The following CATSPER1 variants were observed in gnomAD, a reference collection of about 807,000 sequenced individuals.
CATSPER1 encodes cation channel sperm-associated protein 1.
Under a neutral mutation model 72.7 loss-of-function variants are expected in CATSPER1, and 57 were observed. That is an observed-to-expected ratio of 0.78 (90% confidence interval 0.63 to 0.98). CATSPER1 has a LOEUF of 0.98. Among genes scored for constraint, CATSPER1 ranks in the 50% least tolerant of loss-of-function variants. CATSPER1 has a pLI of 0.00. For synonymous variants in CATSPER1, 363 were observed against 403.0 expected, an observed-to-expected ratio of 0.90 and a Z score of 1.19; for missense variants, 910 against 1,033.9, an observed-to-expected ratio of 0.88 and a Z score of 1.64.
Position 66,025,571 on chromosome 11 carries a change from C to A in CATSPER1, c.809G>T (p.Gly270Val). ...ISDYHSEYHQ[G>V]DHHPSEYHHG... ...GTGGTACTCACTGGGGTGGTGATCA[C>A]CTTGGTGGTACTCGCTGTGATAGTC... The change falls in exon 1 of 12, where the codon GGT becomes GTT. Residue 270 changes from glycine (G) to valine (V), a missense_variant. Transcript: ENST00000312106. The A allele has an allele frequency of 6.2e-7, 1 of 1,604,268 alleles. No individual in the cohort carries two copies. Among genetic ancestry groups the A allele is most frequent in the Non-Finnish European group, 8.5e-7 (1 of 1,175,588 alleles).
rs143728028 is a variant in CATSPER1, at chr11:66,025,177, A to G, written c.1203T>C (p.Phe401=). The stretch of plus-strand genomic sequence containing the variant: ...GCAAAGACTCACTTTTGCGTTTCTG[A>G]AATTGCCCTTCTTCTTTGCCCCAGT... The part of the protein sequence containing the change: ...SEDWGKEEGQ[F]QKRKTGRLQR... Residue 401 remains phenylalanine (F), a synonymous_variant, in exon 1 of 12, where the codon TTT becomes TTC. Coordinates refer to ENST00000312106, the MANE Select transcript of CATSPER1 (RefSeq NM_053054.4). 26 of 1,614,138 alleles carry G rather than the reference A, an allele frequency of 1.6e-5. No individual in the cohort carries two copies. In the African/African-American group the frequency reaches 3.5e-4, roughly 22 times the overall value.
In CATSPER1 at chr11:66,020,506, C is replaced by A. The variant is rs554677836; in HGVS notation, c.1991+58G>T. 79 of 1,599,218 alleles carry A rather than the reference C, an allele frequency of 4.9e-5. No individual in the cohort carries two copies. The African/African-American group carries it at 7.9e-4, about 16-fold the overall frequency. On this transcript the variant is annotated intron_variant, in intron 7 of 11. Coordinates refer to ENST00000312106, the MANE Select transcript of CATSPER1 (RefSeq NM_053054.4). This position sits in a 1 kb window ranked among gnomAD's most constrained non-coding sequence, Gnocchi z 4.5. ...GGTGAGAGGGCTGGGGTAAGGGTCC[C>A]AGGGGAGAGGAGGAAGTGTGGGTGG...
intron 11 of CATSPER1, 63 bp downstream of exon 11, chr11:66,016,997 A>T (rs1590677556): frequency 6.2e-7 from 1 of 1,612,934 alleles, no homozygotes; most frequent in Non-Finnish European, 8.5e-7. Flanking sequence ...ACTTGGAGCC[A>T]TTTCTGGCTA....
rs1364822651 is a variant in CATSPER1, at chr11:66,025,804, G to A, written c.576C>T (p.His192=). 3 of 1,613,542 alleles carry A rather than the reference G, an allele frequency of 1.9e-6. No homozygotes were observed. Among genetic ancestry groups the A allele is most frequent in the Non-Finnish European group, 1.7e-6 (2 of 1,179,734 alleles). ...HGPNPYSESF[H]HSEASHLSGL... ...CGCTAAGGTGGGAAGCCTCGCTGTG[G>A]TGGAAGGACTCACTGTAGGGATTGG... The change falls in exon 1 of 12, where the codon CAC becomes CAT. Residue 192 remains histidine (H), a synonymous_variant. Transcript: ENST00000312106.
chr11:66,020,737 G>C lies in CATSPER1; in HGVS notation c.1927+74C>G. 1.9e-6 allele frequency: 3 copies of C among 1,605,816 alleles called. No individual in the cohort carries two copies. Among genetic ancestry groups the C allele is most frequent in the Non-Finnish European group, 2.6e-6 (3 of 1,174,176 alleles). On this transcript the variant is annotated intron_variant, in intron 6 of 11. Transcript: ENST00000312106. This position sits in a 1 kb window ranked among gnomAD's most constrained non-coding sequence, Gnocchi z 4.5. The stretch of plus-strand genomic sequence containing the variant: ...CAGGCATCAGAAGCCCCACTTTGCC[G>C]ATGGGGTCACTGAGCCCTGGCCGGT...
intron 4 of CATSPER1, 35 bp downstream of exon 4, chr11:66,021,461 A>T: frequency 6.2e-7 from 1 of 1,608,148 alleles, no homozygotes; most frequent in Non-Finnish European, 8.5e-7. Flanking sequence ...CTTCCTTTGG[A>T]GTCCCCACCC....
At position 66,025,562 on chromosome 11, in the gene CATSPER1, T is replaced by C. The variant is rs1590688643; in HGVS notation, c.818A>G (p.His273Arg). Residue 273 changes from histidine to arginine, a missense_variant, in exon 1 of 12, where the codon CAC becomes CGC. By Grantham distance (29) the His-to-Arg change is conservative. Coordinates refer to ENST00000312106, the MANE Select transcript of CATSPER1 (RefSeq NM_053054.4). ...YHSEYHQGDH[H>R]PSEYHHGDHP... is the part of the protein sequence containing the mutation. ...GTCGCCATGGTGGTACTCACTGGGG[T>C]GGTGATCACCTTGGTGGTACTCGCT... The C allele has an allele frequency of 6.2e-7, 1 of 1,602,548 alleles. No individual in the cohort carries two copies. Among genetic ancestry groups the C allele is most frequent in the Non-Finnish European group, 8.5e-7 (1 of 1,174,858 alleles).
intron 4 of CATSPER1, 147 bp from the exon 5 acceptor site, chr11:66,021,332 A>T: frequency 8.3e-7 from 1 of 1,198,652 alleles, no homozygotes. Flanking sequence ...GGAAAAATGA[A>T]GGGGCTGATT....
chr11:66,020,089 T>G lies in CATSPER1; in HGVS notation c.2125+51A>C. Reference sequence around the variant, plus strand: ...AAGGAGGTTAGGGGGATGGAGAGACTGGCCCCCACTGCGGACGGGCAGGTG... The same window carrying G: ...AAGGAGGTTAGGGGGATGGAGAGACGGGCCCCCACTGCGGACGGGCAGGTG... On this transcript the variant is annotated intron_variant, in intron 9 of 11. Transcript: ENST00000312106. The surrounding 1 kb of genome is among the most constrained non-coding windows in gnomAD (Gnocchi z 4.5). The G allele has an allele frequency of 1.9e-6, 3 of 1,575,272 alleles. No individual in the cohort carries two copies. The highest frequency in any genetic ancestry group is 2.2e-5 in the South Asian group (2 of 90,260).
rs766917485 is a variant in CATSPER1, at chr11:66,020,892, T to C, written c.1846A>G (p.Ile616Val). 2.5e-6 allele frequency: 4 copies of C among 1,613,984 alleles called. No individual in the cohort carries two copies. In the South Asian group the frequency reaches 4.4e-5, roughly 18 times the overall value. Residue 616 changes from isoleucine to valine, a missense_variant, in exon 6 of 12, where the codon ATC becomes GTC. Coordinates refer to ENST00000312106, the MANE Select transcript of CATSPER1 (RefSeq NM_053054.4). This position sits in a 1 kb window ranked among gnomAD's most constrained non-coding sequence, Gnocchi z 4.5. ...RKSDPKRFQN[I>V]FTTIFTLFTL... Reference sequence around the variant, plus strand: ...AAGAGGGTGAAGATGGTGGTGAAGATGTTCTGGAAGCGCTTGGGGTCAGAT... The same window carrying C: ...AAGAGGGTGAAGATGGTGGTGAAGACGTTCTGGAAGCGCTTGGGGTCAGAT...
rs1856341097 is a variant in CATSPER1, at chr11:66,020,615, A to T, written c.1940T>A (p.Ile647Asn). The change falls in exon 7 of 12, where the codon ATC becomes AAC. Residue 647 changes from isoleucine to asparagine, a missense_variant. Ile to Asn is a moderately radical substitution (Grantham distance 149). Transcript: ENST00000312106. The surrounding 1 kb of genome is among the most constrained non-coding windows in gnomAD (Gnocchi z 4.5). ...MDSRAQGAWY[I>N]IPILVIYIII... ...GATGTAAATTACGAGGATGGGAATG[A>T]TGTACCAGGCGCCTAGGGGGAGCAG... is the stretch of plus-strand genomic sequence containing the variant. 2 of 1,612,402 alleles carry T rather than the reference A, an allele frequency of 1.2e-6. No homozygotes were observed. The highest frequency in any genetic ancestry group is 1.7e-6 in the Non-Finnish European group (2 of 1,179,494).
chr11:66,021,714 C>T (rs1565071726), intron 3 of CATSPER1, 52 bp downstream of exon 3: 13 of 1,613,154 alleles, frequency 8.1e-6, no homozygotes, highest in Middle Eastern at 3.3e-4. Context: ...CTTCTCTCGT[C>T]CCGAGCCTCC....
chr11:66,020,854 C>T lies in CATSPER1; in HGVS notation c.1884G>A (p.Thr628=), dbSNP rs370158610. Residue 628 remains threonine (T), a synonymous_variant, in exon 6 of 12, where the codon ACG becomes ACA. Transcript: ENST00000312106. The surrounding 1 kb of genome is among the most constrained non-coding windows in gnomAD (Gnocchi z 4.5). ...TTIFTLFTLL[T]LDDWSLIYMD... Reference sequence around the variant, plus strand: ...TGTAGATGAGGGACCAGTCATCCAGCGTGAGCAAGGTGAAGAGGGTGAAGA... The same window carrying T: ...TGTAGATGAGGGACCAGTCATCCAGTGTGAGCAAGGTGAAGAGGGTGAAGA... 71 of 1,613,914 alleles carry T rather than the reference C, an allele frequency of 4.4e-5. No individual in the cohort carries two copies. The African/African-American group carries it at 7.1e-4, about 16-fold the overall frequency.
At chr11:66,022,497 C>A (rs953813213) in intron 2 of CATSPER1, among the ~76,000 whole-genome samples, 4 of 152,260 alleles carry the variant, frequency 2.6e-5, no homozygotes, top group African/African-American at 9.6e-5. Flanking sequence ...CCCAGCCTTC[C>A]CCGACCTTAC....
intron 10 of CATSPER1, 85 bp from the exon 11 acceptor site, chr11:66,017,259 C>A (rs1256884244): frequency 5.5e-6 from 5 of 908,114 alleles, no homozygotes; most frequent in Non-Finnish European, 8.6e-6. Flanking sequence ...CACCCAGAGG[C>A]TCTTCTTGCC....
At chr11:66,018,967 T>A (rs1176388650) in intron 9 of CATSPER1, 65 bp from the exon 10 acceptor site, 6 of 1,376,658 alleles carry the variant, frequency 4.4e-6, no homozygotes, top group Non-Finnish European at 6.2e-6. Flanking sequence ...AGGAACCCCA[T>A]GTGTCAGGAA....
chr11:66,022,115 G>A (rs879420346), intron 2 of CATSPER1, among the ~76,000 whole-genome samples: 2 of 152,126 alleles, frequency 1.3e-5, no homozygotes, highest in Non-Finnish European at 2.9e-5. Flanking sequence ...TGAGGCGGGC[G>A]CATCACTGGA....
At chr11:66,023,581 A>C (rs1355304608) in intron 1 of CATSPER1, among the ~76,000 whole-genome samples, 1 of 151,268 alleles carries the variant, frequency 6.6e-6, no homozygotes, top group Non-Finnish European at 1.5e-5. Flanking sequence ...GCAATGGCTC[A>C]CACCTGTAAT....
At chr11:66,019,577 C>T (rs1341702613) in intron 9 of CATSPER1, among the ~76,000 whole-genome samples, 4 of 152,048 alleles carry the variant, frequency 2.6e-5, no homozygotes, top group African/African-American at 9.6e-5. Flanking sequence ...ATGCCCGGCC[C>T]CAGGTAGGTC....
Sources: gnomAD v4.1 joint callset for allele counts (sites outside exome capture counted in the v4.1 genomes callset) on GRCh38, gnomAD v4.1.1 for gene constraint, Gnocchi (gnomAD v3.1) non-coding constraint, MANE v1.5 for transcripts, NCBI Gene and HGNC (gene_info 2026-07-23, HGNC 2026-07-21) for gene names.